The following DHRS9 variants were observed in gnomAD, a reference collection of about 807,000 sequenced individuals.
DHRS9 encodes the protein dehydrogenase/reductase 9.
Under a neutral mutation model 26.6 loss-of-function variants are expected in DHRS9, and 18 were observed. The observed-to-expected ratio is 0.68, with a 90% CI of 0.47 to 1.00. DHRS9 has a LOEUF of 1.00. Among genes scored for constraint, DHRS9 ranks in the 50% least tolerant of loss-of-function variants. The probability of loss-of-function intolerance (pLI) is 0.00; values close to 1 mark genes in which losing one functional copy is unlikely to be tolerated. For synonymous variants in DHRS9, 134 were observed against 141.1 expected (o/e 0.95, Z 0.36); for missense variants, 425 against 378.7 (o/e 1.12, Z -1.01).
chr2:169,069,627 C>T lies in DHRS9; in HGVS notation c.-150C>T. On this transcript the variant is annotated 5_prime_UTR_variant, in exon 1 of 5. Coordinates refer to ENST00000674881, the MANE Select transcript of DHRS9 (RefSeq NM_001376924.1). ...GAGGATCAGCCTGGCCAGGGTGGCACAACTCTTCCTTCCCCGTGCACAGCA... is the reference window on the plus strand; with the variant it reads ...GAGGATCAGCCTGGCCAGGGTGGCATAACTCTTCCTTCCCCGTGCACAGCA... The T allele has an allele frequency of 1.0e-6, 1 of 985,456 alleles. No homozygotes were observed. The highest frequency in any genetic ancestry group is 4.7e-5 in the South Asian group (1 of 21,288). The allele number at this position is 985,456 out of a possible 1,614,324, so 61.0% of individuals were successfully genotyped here. A position where few individuals can be genotyped will look rare whatever the true frequency, so the allele number is the denominator to read the frequency against.
chr2:169,089,137 T>C (rs541880344), intron 3 of DHRS9, among the ~76,000 whole-genome samples: 1 of 152,266 alleles, frequency 6.6e-6, no homozygotes, highest in East Asian at 1.9e-4. Flanking sequence ...CTTATAAACA[T>C]GTGTGAGGTA....
chr2:169,075,986 C>A (rs1350899501), intron 1 of DHRS9, among the ~76,000 whole-genome samples: 1 of 152,148 alleles, frequency 6.6e-6, no homozygotes, highest in East Asian at 1.9e-4. Flanking sequence ...TCTATAATGA[C>A]TGTCTGTCAT....
At chr2:169,093,034 A>G (rs1333630529) in intron 4 of DHRS9, among the ~76,000 whole-genome samples, 1 of 152,162 alleles carries the variant, frequency 6.6e-6, no homozygotes, top group African/African-American at 2.4e-5. Context: ...GACTTTGGTT[A>G]CACTCCTGTT....
rs773721349 is a variant in DHRS9, at chr2:169,083,385, T to C, written c.370T>C (p.Trp124Arg). 1.9e-6 allele frequency: 3 copies of C among 1,614,172 alleles called. No individual in the cohort carries two copies. In the South Asian group the frequency reaches 3.3e-5, roughly 18 times the overall value. Residue 124 changes from tryptophan to arginine, a missense_variant, in exon 3 of 5, where the codon TGG (tryptophan) becomes CGG (arginine). Physicochemically the swap from Trp to Arg is moderately radical, Grantham distance 101. Transcript: ENST00000674881. Reference protein sequence around the residue: ...GVPGVLAPTDWLTLEDYREPI... With the variant: ...GVPGVLAPTDRLTLEDYREPI... ...TCCCGGCGTGCTGGCTCCCACTGAC[T>C]GGCTGACACTAGAGGACTACAGAGA... is the stretch of plus-strand genomic sequence containing the variant.
Position 169,081,610 on chromosome 2 carries a change from T to A in DHRS9, c.29T>A (p.Ile10Asn). 6.2e-7 allele frequency: 1 copy of A among 1,614,156 alleles called. No homozygotes were observed. The highest frequency in any genetic ancestry group is 8.5e-7 in the Non-Finnish European group (1 of 1,180,012). Residue 10 changes from isoleucine (I) to asparagine (N), a missense_variant, in exon 2 of 5, where the codon ATC becomes AAC. Transcript: ENST00000674881. Reference protein sequence around the residue: MLFWVLGLLILCGFLWTRKG... With the variant: MLFWVLGLLNLCGFLWTRKG... Reference sequence around the variant, plus strand: ...CTCTTTTGGGTGCTAGGCCTCCTAATCCTCTGTGGTTTTCTGTGGACTCGT... The same window carrying A: ...CTCTTTTGGGTGCTAGGCCTCCTAAACCTCTGTGGTTTTCTGTGGACTCGT...
chr2:169,082,065 G>C (rs1221583073), intron 2 of DHRS9, among the ~76,000 whole-genome samples, 171 bp downstream of exon 2: 1 of 152,086 alleles, frequency 6.6e-6, no homozygotes, highest in African/African-American at 2.4e-5. Context: ...CCAAGTACAG[G>C]CTGTCTGTGT....
intron 1 of DHRS9, among the ~76,000 whole-genome samples, chr2:169,079,987 A>AGAG (rs1684122613): frequency 4.4e-4 from 17 of 39,076 alleles, no homozygotes; most frequent in Non-Finnish European, 7.7e-4. Context: ...GAGAGAGAGA[A>AGAG]AGAAAGAAAG....
chr2:169,090,277 C>G (rs1684481418), intron 3 of DHRS9, among the ~76,000 whole-genome samples: 1 of 152,136 alleles, frequency 6.6e-6, no homozygotes, highest in African/African-American at 2.4e-5. Context: ...TTTTTACTTA[C>G]CTGGTAAGCT....
chr2:169,074,357 C>T (rs1683898081), intron 1 of DHRS9: 1 of 985,282 alleles, frequency 1.0e-6, no homozygotes, highest in African/African-American at 1.7e-5. Context: ...GGTCTGGGCT[C>T]CTAACTACTG....
chr2:169,085,226 TG>T (rs1684314303), intron 3 of DHRS9, among the ~76,000 whole-genome samples: 1 of 152,214 alleles, frequency 6.6e-6, no homozygotes, highest in Non-Finnish European at 1.5e-5. Flanking sequence ...CATGCTGTTT[TG>T]TTTACTATAG....
At chr2:169,077,607 G>GAA (rs145549475) in intron 1 of DHRS9, among the ~76,000 whole-genome samples, 4 of 145,974 alleles carry the variant, frequency 2.7e-5, no homozygotes, top group African/African-American at 5.0e-5. Context: ...TACAGTTCAG[G>GAA]AAAAAAAAAA....
Position 169,092,730 on chromosome 2 carries a change from T to C in DHRS9, c.736+777T>C, listed in dbSNP as rs565211789. ...TGGAAGACACCAGGAGCCTTCCTGG[T>C]CAAGAGATTGAGTCAGAGATGGGAG... is the stretch of plus-strand genomic sequence containing the variant. On this transcript the variant is annotated intron_variant, in intron 4 of 4. Coordinates refer to ENST00000674881, the MANE Select transcript of DHRS9 (RefSeq NM_001376924.1). 2.0e-5 allele frequency among the ~76,000 whole-genome samples: 3 copies of C among 152,252 alleles called. No homozygotes were observed. In the South Asian group the frequency reaches 6.2e-4, roughly 32 times the overall value.
At chr2:169,067,344 A>C, upstream of DHRS9, 1 of 1,508,160 alleles carries the variant, frequency 6.6e-7, no homozygotes, top group Non-Finnish European at 8.8e-7. Context: ...GTGTAGTTGC[A>C]GGAAGCCTAA....
In DHRS9 at chr2:169,095,404, G is replaced by A. The variant is rs957253307; in HGVS notation, c.737-140G>A. On this transcript the variant is annotated intron_variant, in intron 4 of 4. Transcript: ENST00000674881. Reference sequence around the variant, plus strand: ...AATATCATTTTCTGAGGAATAGATAGTAAATCCTCAAAATGAGCCTCAATT... The same window carrying A: ...AATATCATTTTCTGAGGAATAGATAATAAATCCTCAAAATGAGCCTCAATT... 5.7e-5 allele frequency: 41 copies of A among 722,710 alleles called. No individual in the cohort carries two copies. The African/African-American group carries it at 6.0e-4, about 11-fold the overall frequency. 44.8% of individuals were successfully genotyped at this position (722,710 alleles called of 1,614,324 possible).
intron 1 of DHRS9, chr2:169,069,999 T>C: frequency 1.2e-6 from 1 of 804,474 alleles, no homozygotes; most frequent in Non-Finnish European, 1.5e-6. Context: ...CATATTTTAT[T>C]TTCTCTGTGC....
chr2:169,079,983 G>GAAAGAA (rs1352055001), intron 1 of DHRS9, among the ~76,000 whole-genome samples: 2 of 46,800 alleles, frequency 4.3e-5, no homozygotes, highest in African/African-American at 9.3e-5. Context: ...GAGAGAGAGA[G>GAAAGAA]AGAAAGAAAG....
chr2:169,088,964 GGA>G (rs1431093648), intron 3 of DHRS9, among the ~76,000 whole-genome samples: 1 of 152,168 alleles, frequency 6.6e-6, no homozygotes, highest in Non-Finnish European at 1.5e-5. Flanking sequence ...TCATTCCGTG[GGA>G]GAGACTGGGG....
At chr2:169,093,190 C>G (rs924995498) in intron 4 of DHRS9, among the ~76,000 whole-genome samples, 1 of 152,114 alleles carries the variant, frequency 6.6e-6, no homozygotes, top group Non-Finnish European at 1.5e-5. Context: ...GTGCTCAGGC[C>G]TCTTAATCAG....
intron 1 of DHRS9, among the ~76,000 whole-genome samples, chr2:169,078,090 CTCCT>C (rs1684019156): frequency 6.6e-6 from 1 of 152,218 alleles, no homozygotes; most frequent in East Asian, 1.9e-4. Context: ...CCTCATCTGT[CTCCT>C]ATAGTGGAAG....
Sources: gnomAD v4.1 joint callset for allele counts (sites outside exome capture counted in the v4.1 genomes callset) on GRCh38, gnomAD v4.1.1 for gene constraint, MANE v1.5 for transcripts, NCBI Gene and HGNC (gene_info 2026-07-23, HGNC 2026-07-21) for gene names.